MAP2K6: variants seen among roughly 807,000 people sequenced by gnomAD.
MAP2K6 encodes the protein mitogen-activated protein kinase kinase 6.
In MAP2K6, 16 loss-of-function variants were observed where a neutral mutation model predicts 53.7. The observed-to-expected ratio is 0.30, with a 90% CI of 0.20 to 0.45. The LOEUF is 0.45. Ranked by LOEUF, MAP2K6 falls within the 20% of genes least tolerant of loss-of-function variation. The pLI is 1.00. For missense variants in MAP2K6, 204 were observed against 411.9 expected, an observed-to-expected ratio of 0.50 and a Z score of 4.37; for synonymous variants, 132 against 143.1, an observed-to-expected ratio of 0.92 and a Z score of 0.55.
intron 1 of MAP2K6, among the ~76,000 whole-genome samples, chr17:69,427,115 C>A (rs1409105313): frequency 1.3e-5 from 2 of 152,172 alleles, no homozygotes; most frequent in African/African-American, 4.8e-5. Flanking sequence ...GAATATTTTC[C>A]AGAGCTTGGC....
rs1411135637 is a variant in MAP2K6 at position 69,414,785 on chromosome 17, A to G, written c.-200A>G. On this transcript the variant is annotated 5_prime_UTR_variant, in exon 1 of 12. Coordinates refer to ENST00000590474, the MANE Select transcript of MAP2K6 (RefSeq NM_002758.4). Reference sequence around the variant, plus strand: ...CCCTAACGTTGCAACTGGGGGAAAAATCACTTTCCAGTCTGTTTTGCAAGG... The same window carrying G: ...CCCTAACGTTGCAACTGGGGGAAAAGTCACTTTCCAGTCTGTTTTGCAAGG... The G allele has an allele frequency of 7.4e-6, 4 of 537,332 alleles. No homozygotes were observed. The African/African-American group carries it at 7.7e-5, about 10-fold the overall frequency. The allele number at this position is 537,332 out of a possible 1,614,324, so 33.3% of individuals were successfully genotyped here.
intron 10 of MAP2K6, among the ~76,000 whole-genome samples, chr17:69,530,056 C>T (rs774359688): frequency 6.6e-6 from 1 of 152,128 alleles, no homozygotes; most frequent in Admixed American, 6.5e-5. Context: ...ACTGTTAATT[C>T]TATTAATACT....
intron 10 of MAP2K6, among the ~76,000 whole-genome samples, chr17:69,534,611 G>A (rs556005530): frequency 1.3e-5 from 2 of 150,212 alleles, no homozygotes; most frequent in African/African-American, 2.5e-5. Context: ...GTTTCTCAAA[G>A]TGCCTGAACT....
chr17:69,521,244 A>T, intron 7 of MAP2K6, 144 bp downstream of exon 7: 1 of 604,766 alleles, frequency 1.7e-6, no homozygotes, highest in Non-Finnish European at 2.9e-6. Context: ...TTGAGATTGG[A>T]TAGCAAACCA....
chr17:69,519,541 T>A (rs2145256284), intron 5 of MAP2K6, 109 bp downstream of exon 5: 1 of 1,369,208 alleles, frequency 7.3e-7, no homozygotes, highest in Non-Finnish European at 1.0e-6. Flanking sequence ...GTTTGACACA[T>A]CTTGTATACG....
chr17:69,483,244 A>G (rs1414000041), intron 1 of MAP2K6, among the ~76,000 whole-genome samples: 1 of 152,052 alleles, frequency 6.6e-6, no homozygotes, highest in African/African-American at 2.4e-5. Context: ...CTTACAAGCA[A>G]GTTCAGCAAG....
intron 10 of MAP2K6, among the ~76,000 whole-genome samples, chr17:69,531,425 T>C (rs1911080847): frequency 1.3e-5 from 2 of 152,182 alleles, no homozygotes; most frequent in African/African-American, 4.8e-5. Flanking sequence ...TGTTGCAAGG[T>C]ACCATAATTC....
At chr17:69,528,859 CAAAAAAAAAA>C (rs58897757) in intron 10 of MAP2K6, among the ~76,000 whole-genome samples, 3 of 59,090 alleles carry the variant, frequency 5.1e-5, no homozygotes, top group African/African-American at 6.9e-5. Context: ...GACGCCATCT[CAAAAAAAAAA>C]AAAAAAAAAA....
Position 69,494,760 on chromosome 17 carries a change from C to A in MAP2K6, c.17-11020C>A, listed in dbSNP as rs1408630769. 2.6e-5 allele frequency among the ~76,000 whole-genome samples: 4 copies of A among 151,306 alleles called. No individual in the cohort carries two copies. Among genetic ancestry groups the A allele is most frequent in the African/African-American group, 9.7e-5 (4 of 41,160 alleles). ...GTGGCTCATGCCTGTAATCCCAGCA[C>A]TTTGGGAGGCTGGGGCGGGTGGATC... On this transcript the variant is annotated intron_variant, in intron 1 of 11. Coordinates refer to ENST00000590474, the MANE Select transcript of MAP2K6 (RefSeq NM_002758.4). The surrounding 1 kb of genome is among the most constrained non-coding windows in gnomAD (Gnocchi z 4.2).
At chr17:69,529,922 G>T (rs2144845997) in intron 10 of MAP2K6, among the ~76,000 whole-genome samples, 1 of 152,128 alleles carries the variant, frequency 6.6e-6, no homozygotes, top group East Asian at 1.9e-4. Context: ...AACACCCATA[G>T]TGCCTTCATG....
chr17:69,428,850 CTGTTTTTGTTTT>C (rs774512187), intron 1 of MAP2K6, among the ~76,000 whole-genome samples: 3 of 116,952 alleles, frequency 2.6e-5, no homozygotes, highest in African/African-American at 1.2e-4. Flanking sequence ...GCCCTTTCTT[CTGTTTTTGTTTT>C]TGTTTTTTTT....
rs1211939404 is a variant in MAP2K6, at chr17:69,521,105, G to T, written c.535+5G>T. On this transcript the variant is annotated splice_donor_5th_base_variant and intron_variant, in intron 7 of 11. Transcript: ENST00000590474. ...AGCTGTCTGTCATTCACAGAGGTAAGCATCCATGAGCTGCCTTGGCTGTTC... is the reference window on the plus strand; with the variant it reads ...AGCTGTCTGTCATTCACAGAGGTAATCATCCATGAGCTGCCTTGGCTGTTC... The T allele has an allele frequency of 6.2e-7, 1 of 1,608,964 alleles. No homozygotes were observed. Among genetic ancestry groups the T allele is most frequent in the Non-Finnish European group, 8.5e-7 (1 of 1,177,446 alleles).
At chr17:69,514,194 C>T (rs1341518063) in intron 2 of MAP2K6, among the ~76,000 whole-genome samples, 2 of 151,966 alleles carry the variant, frequency 1.3e-5, no homozygotes, top group African/African-American at 4.8e-5. Context: ...GTCATATTTG[C>T]CTTTATTTCA....
At chr17:69,541,440 AT>A (rs1911629093) in intron 11 of MAP2K6, among the ~76,000 whole-genome samples, 1 of 152,114 alleles carries the variant, frequency 6.6e-6, no homozygotes, top group African/African-American at 2.4e-5. Flanking sequence ...TTTTTTTAAA[AT>A]TTAATATAGT....
chr17:69,463,192 C>T (rs552730433), intron 1 of MAP2K6, among the ~76,000 whole-genome samples: 98 of 151,266 alleles, frequency 6.5e-4, no homozygotes, highest in African/African-American at 2.3e-3. Flanking sequence ...AAAAATGATT[C>T]GGCTTTTGTT....
chr17:69,495,008 A>G (rs1908890655), intron 1 of MAP2K6, among the ~76,000 whole-genome samples: 1 of 148,110 alleles, frequency 6.8e-6, no homozygotes, highest in South Asian at 2.1e-4. Context: ...TCTGTCTAGA[A>G]AAAAAACCAA....
intron 1 of MAP2K6, among the ~76,000 whole-genome samples, chr17:69,472,206 AAGCTCAAATCTC>A (rs1201563629): frequency 2.6e-5 from 4 of 152,142 alleles, no homozygotes; most frequent in Admixed American, 2.6e-4. Flanking sequence ...AGTTCAAAAG[AAGCTCAAATCTC>A]AGCATTAAGC....
At chr17:69,540,232 T>G (rs1361310405) in intron 11 of MAP2K6, among the ~76,000 whole-genome samples, 1 of 152,082 alleles carries the variant, frequency 6.6e-6, no homozygotes, top group Non-Finnish European at 1.5e-5. Context: ...CTGGGCAACA[T>G]AAAGGTTGTA....
chr17:69,444,320 C>G (rs1273894651), intron 1 of MAP2K6, among the ~76,000 whole-genome samples: 4 of 152,070 alleles, frequency 2.6e-5, no homozygotes, highest in African/African-American at 9.7e-5. Context: ...TCTGCTGGTC[C>G]TGGTTGATTT....
Sources: allele counts gnomAD v4.1 joint callset (sites outside exome capture counted in the v4.1 genomes callset), GRCh38; gene constraint gnomAD v4.1.1; non-coding constraint Gnocchi (gnomAD v3.1); transcripts MANE v1.5; gene names NCBI Gene and HGNC (gene_info 2026-07-23, HGNC 2026-07-21).